Variants in A2ML1 observed in about 807,000 individuals in gnomAD.
A2ML1 encodes the protein alpha-2-macroglobulin-like protein 1.
A2ML1 carries 161 observed loss-of-function variants against 181.9 expected under a neutral mutation model. The observed-to-expected ratio is 0.89, with a 90% CI of 0.78 to 1.01. The LOEUF is 1.01. A2ML1 is among the 50% of genes least tolerant of loss of function. The pLI, the probability that A2ML1 is intolerant of heterozygous loss-of-function variation, is 0.00. For missense variants in A2ML1, 1,670 were observed against 1,768.1 expected, an observed-to-expected ratio of 0.94 and a Z score of 1.00; for synonymous variants, 663 against 666.8, an observed-to-expected ratio of 0.99 and a Z score of 0.09.
In A2ML1 at chr12:8,884,231, G is replaced by A. The variant is rs61371554; in HGVS notation, c.*95-2276G>A. On this transcript the variant is annotated intron_variant and NMD_transcript_variant, in intron 7 of 7. Coordinates refer to the A2ML1 transcript ENST00000537475. Reference sequence around the variant, plus strand: ...TTTGAAATTCTTTTTTTTATTTTTTGTTTTTTTTTGTTTTGTTTTTTTTTA... The same window carrying A: ...TTTGAAATTCTTTTTTTTATTTTTTATTTTTTTTTGTTTTGTTTTTTTTTA... Among the ~76,000 whole-genome samples, 112 of 121,568 alleles carry A rather than the reference G, an allele frequency of 9.2e-4. No individual in the cohort carries two copies. In the East Asian group the frequency reaches 0.024, roughly 26 times the overall value. The allele number at this position is 121,568 out of a possible 152,430, so 79.8% of individuals were successfully genotyped here. A position where few individuals can be genotyped will look rare whatever the true frequency, so the allele number is the denominator to read the frequency against.
chr12:8,879,040 A>G (rs1944842272), downstream of A2ML1, among the ~76,000 whole-genome samples: 1 of 152,148 alleles, frequency 6.6e-6, no homozygotes, highest in Admixed American at 6.6e-5. Context: ...TCACAGTTGC[A>G]TTAATTGTTC....
rs375392265 is a variant in A2ML1 at position 8,847,693 on chromosome 12, C to G, written c.1828C>G (p.Arg610Gly). 1 of 1,610,406 alleles carries G rather than the reference C, an allele frequency of 6.2e-7. No individual in the cohort carries two copies. The highest frequency in any genetic ancestry group is 2.2e-5 in the East Asian group (1 of 44,504). The change falls in exon 15 of 36, where the codon CGC (arginine) becomes GGC (glycine). Residue 610 changes from arginine to glycine, a missense_variant. Physicochemically the swap from Arg to Gly is moderately radical, Grantham distance 125. Coordinates refer to ENST00000299698, the MANE Select transcript of A2ML1 (RefSeq NM_144670.6). ...LLRPDRELSN[R>G]SVYGMFPFWY... Reference sequence around the variant, plus strand: ...TAGGCCAGACAGAGAGCTGAGCAACCGCTCTGTGAGTAACTGTCTGCTGAC... The same window carrying G: ...TAGGCCAGACAGAGAGCTGAGCAACGGCTCTGTGAGTAACTGTCTGCTGAC...
rs10670476 is a variant in A2ML1 at position 8,832,979 on chromosome 12, C to CTTTTTTTTT, written c.463-1679_463-1671dup. The stretch of plus-strand genomic sequence containing the variant: ...ACTTCCAGTCGGAAATGCTACTTTC[C>CTTTTTTTTT]TTTTTTTTTTTTGAGACGGAGTTTC... On this transcript the variant is annotated intron_variant, in intron 4 of 35. Coordinates refer to ENST00000299698, the MANE Select transcript of A2ML1 (RefSeq NM_144670.6). 1.6e-4 allele frequency among the ~76,000 whole-genome samples: 22 copies of CTTTTTTTTT among 138,696 alleles called. 1 individual carries two copies. The highest frequency in any genetic ancestry group is 5.4e-4 in the African/African-American group (20 of 37,276). The allele number at this position is 138,696 out of a possible 152,430, so 91.0% of individuals were successfully genotyped here.
At chr12:8,884,241 G>C (rs200546093) in intron 7 of A2ML1, among the ~76,000 whole-genome samples, 1,324 of 108,982 alleles carry the variant, frequency 0.012, 32 homozygotes, top group African/African-American at 0.038. Flanking sequence ...GTTTTTTTTT[G>C]TTTTGTTTTT....
chr12:8,837,352 T>G, intron 7 of A2ML1, 88 bp from the exon 8 acceptor site: 4 of 1,513,418 alleles, frequency 2.6e-6, no homozygotes, highest in Admixed American at 1.8e-5. Flanking sequence ...GAGGCTGGAG[T>G]GTGAGAGGGA....
At chr12:8,854,055 G>T in intron 20 of A2ML1, 73 bp from the exon 21 acceptor site, 1 of 1,449,762 alleles carries the variant, frequency 6.9e-7, no homozygotes, top group Non-Finnish European at 9.1e-7. Context: ...CAGAAATGCT[G>T]ATCCAAATGG....
At chr12:8,853,892 G>C (rs1474251281) in intron 20 of A2ML1, among the ~76,000 whole-genome samples, 1 of 152,182 alleles carries the variant, frequency 6.6e-6, no homozygotes, top group Non-Finnish European at 1.5e-5. Flanking sequence ...ATATCAGGAT[G>C]CAGGGATCTC....
intron 28 of A2ML1, 136 bp from the exon 29 acceptor site, chr12:8,863,658 A>G (rs1944344501): frequency 1.3e-6 from 1 of 774,502 alleles, no homozygotes; most frequent in African/African-American, 1.8e-5. Flanking sequence ...AATCAGCTAA[A>G]TCTAAGAAAT....
At chr12:8,883,971 A>G (rs984569634) in intron 7 of A2ML1, among the ~76,000 whole-genome samples, 16 of 151,968 alleles carry the variant, frequency 1.1e-4, no homozygotes, top group Non-Finnish European at 1.5e-5. Flanking sequence ...TGTTTAGTAG[A>G]GGCAGGGTTT....
intron 26 of A2ML1, 97 bp downstream of exon 26, chr12:8,858,199 G>GT: frequency 7.1e-7 from 1 of 1,413,268 alleles, no homozygotes; most frequent in Non-Finnish European, 9.4e-7. Context: ...CTGGGAATCA[G>GT]TTTTCTCCTG....
intron 7 of A2ML1, 141 bp downstream of exon 7, chr12:8,836,480 CCT>C: frequency 3.8e-6 from 2 of 528,488 alleles, no homozygotes; most frequent in Admixed American, 3.6e-5. Context: ...TTATCCAAGA[CCT>C]TTTTTTTTTT....
chr12:8,845,331 A>G (rs1440053715), intron 12 of A2ML1, 111 bp from the exon 13 acceptor site: 9 of 1,445,742 alleles, frequency 6.2e-6, no homozygotes, highest in Non-Finnish European at 8.6e-6. Context: ...CGGACTCTGA[A>G]CTGTGAAAGG....
intron 4 of A2ML1, among the ~76,000 whole-genome samples, chr12:8,832,553 A>G (rs1010913926): frequency 2.6e-5 from 4 of 152,196 alleles, no homozygotes; most frequent in Non-Finnish European, 5.9e-5. Flanking sequence ...GTTAGAAGCA[A>G]GATGGAGTCG....
chr12:8,823,445 A>T, intron 2 of A2ML1, 80 bp downstream of exon 2: 1 of 1,441,406 alleles, frequency 6.9e-7, no homozygotes, highest in Non-Finnish European at 9.3e-7. Flanking sequence ...TACTTTAAGT[A>T]TAATTTCTGT....
downstream of A2ML1, among the ~76,000 whole-genome samples, chr12:8,877,574 CAT>C (rs1255808639): frequency 2.0e-5 from 3 of 152,122 alleles, no homozygotes; most frequent in Non-Finnish European, 4.4e-5. Flanking sequence ...GGCCAATAAA[CAT>C]ATGAAAAAAT....
intron 33 of A2ML1, 77 bp downstream of exon 33, chr12:8,869,280 G>C: frequency 2.1e-6 from 3 of 1,446,654 alleles, no homozygotes; most frequent in Non-Finnish European, 1.9e-6. Context: ...CTGTATATAC[G>C]GGTGTCACAC....
At chr12:8,872,577 C>T (rs1005243412) in intron 33 of A2ML1, among the ~76,000 whole-genome samples, 1 of 151,768 alleles carries the variant, frequency 6.6e-6, no homozygotes, top group African/African-American at 2.4e-5. Context: ...ATCAGGAGTT[C>T]GAGATCAACC....
intron 33 of A2ML1, among the ~76,000 whole-genome samples, chr12:8,871,481 T>G (rs114510197): frequency 0.05 from 7,672 of 152,204 alleles, 262 homozygotes; most frequent in Non-Finnish European, 0.078. Context: ...TTTGTTTGTT[T>G]AGTATTTTTT....
chr12:8,865,612 T>C (rs1027349659), intron 29 of A2ML1, among the ~76,000 whole-genome samples: 1 of 152,172 alleles, frequency 6.6e-6, no homozygotes, highest in Non-Finnish European at 1.5e-5. Flanking sequence ...CCACTTGGTG[T>C]GTGAGATAAT....
Sources: allele counts gnomAD v4.1 joint callset (sites outside exome capture counted in the v4.1 genomes callset), GRCh38; gene constraint gnomAD v4.1.1; transcripts MANE v1.5; gene names NCBI Gene and HGNC (gene_info 2026-07-23, HGNC 2026-07-21).